The following PHACTR1 variants were observed in gnomAD, a reference collection of about 807,000 sequenced individuals.
PHACTR1 encodes the protein RPEL repeat containing 1.
PHACTR1 carries 16 observed loss-of-function variants against 69.2 expected under a neutral mutation model. The ratio of observed to expected loss-of-function variants is 0.23; its 90% CI spans 0.16 to 0.35. The LOEUF (loss-of-function observed/expected upper bound fraction) is 0.35. Among genes scored for constraint, PHACTR1 ranks in the 10% least tolerant of loss-of-function variants. PHACTR1 has a pLI of 1.00. For missense variants in PHACTR1, 510 were observed against 734.7 expected, an observed-to-expected ratio of 0.69 and a Z score of 3.54; for synonymous variants, 312 against 284.5, an observed-to-expected ratio of 1.10 and a Z score of -0.97.
rs1358960821 is a variant in PHACTR1 at position 13,184,886 on chromosome 6, A to G, written c.664+2200A>G. 2.9e-6 allele frequency: 4 copies of G among 1,366,354 alleles called. No individual in the cohort carries two copies. In the African/African-American group the frequency reaches 4.4e-5, roughly 15 times the overall value. The allele number at this position is 1,366,354 out of a possible 1,614,324, so 84.6% of individuals were successfully genotyped here. ...AAACCAGTCCTGCTACTGCCCCCCA[A>G]AAAACCTGCTGCTTTCCCTGGAGAC... On this transcript the variant is annotated intron_variant, in intron 7 of 14. Transcript: ENST00000332995.
chr6:12,818,590 G>T (rs1775854669), intron 4 of PHACTR1, among the ~76,000 whole-genome samples: 1 of 152,214 alleles, frequency 6.6e-6, no homozygotes, highest in Non-Finnish European at 1.5e-5. Flanking sequence ...AGATTCTACA[G>T]TATGAGGAGT....
chr6:12,791,323 T>C (rs1772244751), intron 4 of PHACTR1, among the ~76,000 whole-genome samples: 1 of 152,164 alleles, frequency 6.6e-6, no homozygotes, highest in East Asian at 1.9e-4. Context: ...CTGAGGTCCT[T>C]GCTCCTATTT....
In PHACTR1 at chr6:13,232,547, T is replaced by A. The variant is rs1395911622; in HGVS notation, c.1391+2354T>A. Among the ~76,000 whole-genome samples the A allele has an allele frequency of 3.3e-5, 5 of 152,236 alleles. No homozygotes were observed. In the East Asian group the frequency reaches 7.7e-4, roughly 23 times the overall value. ...GATAGTTACAGCTCTCTAGAGAGCC[T>A]GTCCCATTGTTGGAGAGCCTTATTC... On this transcript the variant is annotated intron_variant, in intron 10 of 14. Transcript: ENST00000332995.
intron 4 of PHACTR1, among the ~76,000 whole-genome samples, chr6:12,968,994 G>A (rs1324877344): frequency 2.6e-5 from 4 of 152,124 alleles, no homozygotes; most frequent in Non-Finnish European, 5.9e-5. Flanking sequence ...TGGGGCTCAA[G>A]ATATTACATT....
chr6:13,209,693 G>A (rs768064914), intron 8 of PHACTR1, among the ~76,000 whole-genome samples: 1 of 152,204 alleles, frequency 6.6e-6, no homozygotes, highest in Non-Finnish European at 1.5e-5. Flanking sequence ...TCACAGCAGT[G>A]TTCCTGACCA....
chr6:13,148,180 GT>G (rs58832085), intron 5 of PHACTR1, among the ~76,000 whole-genome samples: 442 of 132,132 alleles, frequency 3.3e-3, no homozygotes, highest in African/African-American at 7.4e-3. Flanking sequence ...GTGTTTACTG[GT>G]TTTTTTTTTT....
At chr6:13,053,077 G>A (rs1391498278) in intron 4 of PHACTR1, among the ~76,000 whole-genome samples, 12 of 152,120 alleles carry the variant, frequency 7.9e-5, no homozygotes, top group Non-Finnish European at 5.9e-5. Flanking sequence ...TGTTTTGGGC[G>A]GTAGTCCCTG....
At chr6:13,216,940 G>T (rs1767764774) in intron 8 of PHACTR1, among the ~76,000 whole-genome samples, 1 of 152,060 alleles carries the variant, frequency 6.6e-6, no homozygotes, top group Non-Finnish European at 1.5e-5. Flanking sequence ...AAAAGGAAGT[G>T]TATTTTCAAA....
intron 4 of PHACTR1, among the ~76,000 whole-genome samples, chr6:13,008,104 C>A (rs1433843814): frequency 6.6e-6 from 1 of 152,172 alleles, no homozygotes; most frequent in Non-Finnish European, 1.5e-5. Context: ...ACTCCTTGTC[C>A]ACTAACTAAA....
chr6:12,994,965 A>C (rs1252754151), intron 4 of PHACTR1, among the ~76,000 whole-genome samples: 1 of 152,168 alleles, frequency 6.6e-6, no homozygotes, highest in African/African-American at 2.4e-5. Context: ...CCCTCACTGA[A>C]CAAAGGAATC....
intron 8 of PHACTR1, among the ~76,000 whole-genome samples, 178 bp downstream of exon 8, chr6:13,206,314 G>A (rs751408876): frequency 9.2e-5 from 14 of 152,118 alleles, no homozygotes; most frequent in Non-Finnish European, 1.8e-4. Flanking sequence ...AAAAAATGTT[G>A]CCAATTGAAA....
At chr6:12,976,108 G>A (rs539205865) in intron 4 of PHACTR1, among the ~76,000 whole-genome samples, 1 of 152,288 alleles carries the variant, frequency 6.6e-6, no homozygotes, top group East Asian at 1.9e-4. Context: ...TCAATCACTG[G>A]GGGAGGGGGT....
chr6:12,820,938 A>G (rs1360574724), intron 4 of PHACTR1, among the ~76,000 whole-genome samples: 1 of 152,216 alleles, frequency 6.6e-6, no homozygotes, highest in African/African-American at 2.4e-5. Context: ...TGTGCTGTTG[A>G]GAAATGAGAA....
chr6:13,238,201 T>G (rs981538332), intron 10 of PHACTR1, among the ~76,000 whole-genome samples: 1 of 152,244 alleles, frequency 6.6e-6, no homozygotes, highest in Non-Finnish European at 1.5e-5. Flanking sequence ...GGTTTAAGGT[T>G]AAAGCACCTA....
At chr6:12,915,046 T>A (rs935023873) in intron 4 of PHACTR1, among the ~76,000 whole-genome samples, 2 of 152,190 alleles carry the variant, frequency 1.3e-5, no homozygotes, top group African/African-American at 4.8e-5. Flanking sequence ...GTATGTCTTG[T>A]CTGCATAAAG....
At chr6:12,766,390 T>C (rs1303194603) in intron 4 of PHACTR1, among the ~76,000 whole-genome samples, 1 of 152,156 alleles carries the variant, frequency 6.6e-6, no homozygotes, top group East Asian at 1.9e-4. Flanking sequence ...AATTGTGTCC[T>C]ACAGAACTCT....
intron 10 of PHACTR1, among the ~76,000 whole-genome samples, chr6:13,240,428 TG>T (rs59630709): frequency 0.023 from 3,475 of 151,960 alleles, 125 homozygotes; most frequent in African/African-American, 0.079. Flanking sequence ...GGTTTTTTTT[TG>T]TTGTTGTTTT....
intron 3 of PHACTR1, among the ~76,000 whole-genome samples, chr6:12,729,986 G>T (rs1175990033): frequency 6.6e-6 from 1 of 152,116 alleles, no homozygotes; most frequent in Non-Finnish European, 1.5e-5. Context: ...GAATACAGGA[G>T]GATGACCAAG....
chr6:12,804,469 G>T (rs1040109453), intron 4 of PHACTR1, among the ~76,000 whole-genome samples: 9 of 152,178 alleles, frequency 5.9e-5, no homozygotes, highest in Non-Finnish European at 1.2e-4. Flanking sequence ...AAAGAAGATG[G>T]CTGGTCCCAT....
Sources: allele counts gnomAD v4.1 joint callset (sites outside exome capture counted in the v4.1 genomes callset), GRCh38; gene constraint gnomAD v4.1.1; transcripts MANE v1.5; gene names NCBI Gene and HGNC (gene_info 2026-07-23, HGNC 2026-07-21).